The following LRRC4C variants were observed in gnomAD, a reference collection of about 807,000 sequenced individuals.
The protein encoded by LRRC4C is leucine-rich repeat-containing protein 4C.
A neutral mutation model predicts 33.6 loss-of-function variants in LRRC4C; 5 were observed. That is an observed-to-expected ratio of 0.15 (90% confidence interval 0.08 to 0.31). LRRC4C has a LOEUF of 0.31. Among genes scored for constraint, LRRC4C ranks in the 10% least tolerant of loss-of-function variants. The pLI is 1.00. For synonymous variants in LRRC4C, 329 were observed against 302.0 expected (o/e 1.09, Z -0.93); for missense variants, 560 against 796.7 (o/e 0.70, Z 3.58).
At chr11:40,334,435 A>G (rs1268863332) in intron 3 of LRRC4C, among the ~76,000 whole-genome samples, 1 of 152,164 alleles carries the variant, frequency 6.6e-6, no homozygotes, top group Non-Finnish European at 1.5e-5. Flanking sequence ...AGATTTTAAG[A>G]GCAGTCTACT....
At chr11:40,629,483 A>C (rs1963266890) in intron 3 of LRRC4C, among the ~76,000 whole-genome samples, 1 of 152,212 alleles carries the variant, frequency 6.6e-6, no homozygotes, top group African/African-American at 2.4e-5. Context: ...TCCCAAACTA[A>C]AGCATGTTTC....
At chr11:41,102,700 G>A (rs1379276416) in intron 1 of LRRC4C, among the ~76,000 whole-genome samples, 11 of 151,896 alleles carry the variant, frequency 7.2e-5, no homozygotes, top group Admixed American at 7.2e-4. Context: ...TTTTTAGATT[G>A]CATACATTTC....
intron 2 of LRRC4C, among the ~76,000 whole-genome samples, chr11:40,749,105 G>A (rs1948565872): frequency 6.6e-6 from 1 of 152,038 alleles, no homozygotes. Context: ...ATTTAAATTG[G>A]AATTTAGACC....
At chr11:40,440,203 A>T (rs1951330080) in intron 3 of LRRC4C, among the ~76,000 whole-genome samples, 1 of 152,122 alleles carries the variant, frequency 6.6e-6, no homozygotes, top group Non-Finnish European at 1.5e-5. Context: ...ATTTCCTGGC[A>T]TAGAGTAGAT....
intron 1 of LRRC4C, among the ~76,000 whole-genome samples, chr11:41,129,428 A>G (rs942740938): frequency 6.6e-6 from 1 of 151,936 alleles, no homozygotes; most frequent in African/African-American, 2.4e-5. Flanking sequence ...CAATTTCTCT[A>G]CATTATTTTA....
chr11:41,243,386 A>C (rs1948328979), intron 1 of LRRC4C, among the ~76,000 whole-genome samples: 1 of 152,220 alleles, frequency 6.6e-6, no homozygotes, highest in Admixed American at 6.5e-5. Flanking sequence ...GTTCAAGTTA[A>C]ATGATAAAAT....
At chr11:40,859,580 A>G (rs1953970807) in intron 2 of LRRC4C, among the ~76,000 whole-genome samples, 1 of 152,130 alleles carries the variant, frequency 6.6e-6, no homozygotes, top group African/African-American at 2.4e-5. Flanking sequence ...CATATGACCC[A>G]GCAATCACCC....
chr11:40,791,749 T>A (rs1950630183), intron 2 of LRRC4C, among the ~76,000 whole-genome samples: 1 of 152,160 alleles, frequency 6.6e-6, no homozygotes, highest in Admixed American at 6.5e-5. Flanking sequence ...AAAGAAATAG[T>A]GTGTTCCTAT....
At chr11:40,593,452 T>A (rs983556237) in intron 3 of LRRC4C, among the ~76,000 whole-genome samples, 1 of 152,048 alleles carries the variant, frequency 6.6e-6, no homozygotes, top group African/African-American at 2.4e-5. Context: ...CAGACACAAG[T>A]ATAAAGACAC....
intron 3 of LRRC4C, among the ~76,000 whole-genome samples, chr11:40,597,969 A>G (rs1034194093): frequency 3.3e-5 from 5 of 152,214 alleles, no homozygotes; most frequent in Non-Finnish European, 7.3e-5. Flanking sequence ...AGCTTTGATC[A>G]ATTAAGGTTT....
chr11:40,711,004 G>A (rs748227845), intron 2 of LRRC4C, among the ~76,000 whole-genome samples: 39 of 152,310 alleles, frequency 2.6e-4, no homozygotes, highest in African/African-American at 5.1e-4. Flanking sequence ...TGAGCCAGGC[G>A]TGGGATAAAA....
chr11:40,211,651 C>T (rs1215575896), intron 5 of LRRC4C, among the ~76,000 whole-genome samples: 1 of 152,178 alleles, frequency 6.6e-6, no homozygotes, highest in Admixed American at 6.5e-5. Context: ...AAATATAATA[C>T]TTTGTTTCCC....
Position 40,501,407 on chromosome 11 carries a change from G to A in LRRC4C, c.-270+146735C>T, listed in dbSNP as rs554719676. Among the ~76,000 whole-genome samples, 12 of 152,320 alleles carry A rather than the reference G, an allele frequency of 7.9e-5. 2 individuals carry two copies. The highest frequency in any genetic ancestry group is 2.9e-4 in the African/African-American group (12 of 41,576). On this transcript the variant is annotated intron_variant, in intron 3 of 6. Transcript: ENST00000528697. Reference sequence around the variant, plus strand: ...TTCCCTTCCGCACTGCCCTAGCAGAGGTTCGCCATGAGTGCCTTGTCCCTG... The same window carrying A: ...TTCCCTTCCGCACTGCCCTAGCAGAAGTTCGCCATGAGTGCCTTGTCCCTG...
intron 2 of LRRC4C, among the ~76,000 whole-genome samples, chr11:40,917,581 A>T (rs1957013779): frequency 6.6e-6 from 1 of 152,152 alleles, no homozygotes; most frequent in Non-Finnish European, 1.5e-5. Flanking sequence ...TAATGAAATG[A>T]CTGAGGCTTT....
chr11:40,307,581 C>A (rs796898699), intron 4 of LRRC4C, among the ~76,000 whole-genome samples: 14 of 152,292 alleles, frequency 9.2e-5, no homozygotes, highest in African/African-American at 3.4e-4. Flanking sequence ...CCTTTGCCTT[C>A]TGCCATGTTG....
chr11:41,453,270 C>A (rs1956082004), intron 1 of LRRC4C, among the ~76,000 whole-genome samples: 1 of 152,044 alleles, frequency 6.6e-6, no homozygotes, highest in Non-Finnish European at 1.5e-5. Context: ...AAGTAACTGT[C>A]AAAGTTAAAT....
chr11:40,638,599 C>T (rs1044362743), intron 3 of LRRC4C, among the ~76,000 whole-genome samples: 1 of 152,058 alleles, frequency 6.6e-6, no homozygotes, highest in African/African-American at 2.4e-5. Context: ...TTTTAATAAC[C>T]TGTGGGATGC....
In LRRC4C at chr11:41,072,281, T is replaced by TCATTGTTCTCTTATTTTGATAA. The variant is rs771392938; in HGVS notation, c.-495-138559_-495-138558insTTATCAAAATAAGAGAACAATG. ...AAAAAATTAATCAATGTGGCAAACA[T>TCATTGTTCTCTTATTTTGATAA]TGAAGACCCTCCACTGGCAAAAAGA... On this transcript the variant is annotated intron_variant, in intron 1 of 6. Transcript: ENST00000528697. 2.2e-5 allele frequency among the ~76,000 whole-genome samples: 3 copies of TCATTGTTCTCTTATTTTGATAA among 137,320 alleles called. 1 individual carries two copies. Among genetic ancestry groups the TCATTGTTCTCTTATTTTGATAA allele is most frequent in the Non-Finnish European group, 3.1e-5 (2 of 64,296 alleles). 90.1% of individuals were successfully genotyped at this position (137,320 alleles called of 152,430 possible).
chr11:41,004,745 G>C (rs1854615708), intron 1 of LRRC4C, among the ~76,000 whole-genome samples: 1 of 52,292 alleles, frequency 1.9e-5, no homozygotes, highest in South Asian at 9.4e-4. Flanking sequence ...TAAAGCAGAG[G>C]GGGCACATGT....
Sources: gnomAD v4.1 joint callset for allele counts (sites outside exome capture counted in the v4.1 genomes callset) on GRCh38, gnomAD v4.1.1 for gene constraint, MANE v1.5 for transcripts, NCBI Gene and HGNC (gene_info 2026-07-23, HGNC 2026-07-21) for gene names.